The following SLC24A3 variants were observed in gnomAD, a reference collection of about 807,000 sequenced individuals.
The protein encoded by SLC24A3 is solute carrier family 24 member 3.
A neutral mutation model predicts 75.8 loss-of-function variants in SLC24A3; 28 were observed. That is an observed-to-expected ratio of 0.37 (90% CI 0.27 to 0.51). The LOEUF (loss-of-function observed/expected upper bound fraction) is 0.51. Ranked by LOEUF, SLC24A3 falls within the 20% of genes least tolerant of loss-of-function variation. The pLI is 0.94. For synonymous variants in SLC24A3, 372 were observed against 334.1 expected (o/e 1.11, Z -1.24); for missense variants, 663 against 847.8 (o/e 0.78, Z 2.71).
chr20:19,513,341 A>G lies in SLC24A3; in HGVS notation c.272-2147A>G, dbSNP rs527933710. Among the ~76,000 whole-genome samples, 7 of 152,306 alleles carry G rather than the reference A, an allele frequency of 4.6e-5. No homozygotes were observed. The South Asian group carries it at 6.2e-4, about 14-fold the overall frequency. ...CCATGGAGCCCAAGCATGTTGCCCCATCTGTCTTCCCCTTGGGTTCCTCAT... is the reference window on the plus strand; with the variant it reads ...CCATGGAGCCCAAGCATGTTGCCCCGTCTGTCTTCCCCTTGGGTTCCTCAT... On this transcript the variant is annotated intron_variant, in intron 2 of 16. Transcript: ENST00000328041.
intron 3 of SLC24A3, among the ~76,000 whole-genome samples, chr20:19,555,130 T>G (rs910095217): frequency 5.9e-5 from 9 of 152,182 alleles, no homozygotes; most frequent in African/African-American, 1.9e-4. Flanking sequence ...AATCTTCAAA[T>G]AGAATTTAGC....
At chr20:19,354,766 A>G (rs923392299) in intron 2 of SLC24A3, among the ~76,000 whole-genome samples, 8 of 152,114 alleles carry the variant, frequency 5.3e-5, no homozygotes, top group African/African-American at 1.9e-4. Flanking sequence ...AGTTGACAAT[A>G]CCAAGTCTTC....
intron 1 of SLC24A3, among the ~76,000 whole-genome samples, chr20:19,279,090 C>T (rs904603999): frequency 5.9e-5 from 9 of 152,188 alleles, no homozygotes; most frequent in African/African-American, 9.6e-5. Context: ...CTTTCTTGAG[C>T]GGTGTTGTGA....
intron 2 of SLC24A3, among the ~76,000 whole-genome samples, chr20:19,449,660 G>T (rs1407980534): frequency 6.6e-6 from 1 of 152,190 alleles, no homozygotes; most frequent in Non-Finnish European, 1.5e-5. Context: ...TGAGATGAAT[G>T]AGAACTTCTT....
intron 2 of SLC24A3, among the ~76,000 whole-genome samples, chr20:19,286,982 C>T (rs1044691966): frequency 6.6e-6 from 1 of 152,174 alleles, no homozygotes; most frequent in Admixed American, 6.5e-5. Context: ...ATTCAAATCA[C>T]AGCTGTTGAG....
intron 1 of SLC24A3, among the ~76,000 whole-genome samples, chr20:19,234,095 G>A (rs1044268931): frequency 6.6e-6 from 1 of 152,072 alleles, no homozygotes; most frequent in Admixed American, 6.5e-5. Context: ...TTTTCTTTTG[G>A]TTTCACAGAG....
intron 8 of SLC24A3, among the ~76,000 whole-genome samples, chr20:19,667,082 A>G (rs2032407549): frequency 6.6e-6 from 1 of 152,178 alleles, no homozygotes; most frequent in South Asian, 2.1e-4. Flanking sequence ...CAGCAAAATG[A>G]CTGCTAACTC....
chr20:19,406,395 A>C (rs1308267003), intron 2 of SLC24A3, among the ~76,000 whole-genome samples: 1 of 152,196 alleles, frequency 6.6e-6, no homozygotes, highest in Non-Finnish European at 1.5e-5. Flanking sequence ...TTTGGAGTGC[A>C]GTTTTACAGA....
At chr20:19,647,140 C>T (rs1427342249) in intron 6 of SLC24A3, among the ~76,000 whole-genome samples, 1 of 152,058 alleles carries the variant, frequency 6.6e-6, no homozygotes, top group Admixed American at 6.6e-5. Flanking sequence ...ATTAATACCC[C>T]AGCTCCCTCT....
intron 2 of SLC24A3, among the ~76,000 whole-genome samples, chr20:19,390,865 G>T (rs1389470052): frequency 6.6e-6 from 1 of 152,182 alleles, no homozygotes; most frequent in Non-Finnish European, 1.5e-5. Context: ...TGTAGCTCGG[G>T]GCTGCAGAGG....
intron 1 of SLC24A3, among the ~76,000 whole-genome samples, chr20:19,227,565 T>G (rs927955107): frequency 6.6e-6 from 1 of 152,204 alleles, no homozygotes; most frequent in Non-Finnish European, 1.5e-5. Flanking sequence ...CATTTGGAAT[T>G]TATTTTAGCA....
At chr20:19,222,610 A>G (rs753310440) in intron 1 of SLC24A3, among the ~76,000 whole-genome samples, 32 of 152,210 alleles carry the variant, frequency 2.1e-4, no homozygotes, top group Non-Finnish European at 2.4e-4. Flanking sequence ...TTTTTTCAAC[A>G]GAAACACTCC....
At chr20:19,264,960 G>A (rs1450246842) in intron 1 of SLC24A3, among the ~76,000 whole-genome samples, 1 of 152,124 alleles carries the variant, frequency 6.6e-6, no homozygotes, top group Non-Finnish European at 1.5e-5. Flanking sequence ...CCCTTTATCT[G>A]TCTTGCTTTC....
At chr20:19,495,704 A>C (rs1988274596) in intron 2 of SLC24A3, among the ~76,000 whole-genome samples, 1 of 152,164 alleles carries the variant, frequency 6.6e-6, no homozygotes, top group Non-Finnish European at 1.5e-5. Context: ...CATTCACTTC[A>C]CTTCTTGCCT....
At chr20:19,369,617 GTGATTATGAAATAGAA>G (rs1415791700) in intron 2 of SLC24A3, among the ~76,000 whole-genome samples, 2 of 152,054 alleles carry the variant, frequency 1.3e-5, no homozygotes, top group African/African-American at 2.4e-5. Context: ...TAATTTCACA[GTGATTATGAAATAGAA>G]TGTCCTGTTC....
intron 6 of SLC24A3, among the ~76,000 whole-genome samples, chr20:19,596,828 C>T (rs1292182468): frequency 3.9e-5 from 6 of 152,284 alleles, no homozygotes; most frequent in East Asian, 1.9e-4. Flanking sequence ...TGGAGCAGGA[C>T]GTGAACAGGT....
intron 9 of SLC24A3, among the ~76,000 whole-genome samples, chr20:19,677,551 A>G (rs927349273): frequency 6.6e-6 from 1 of 151,776 alleles, no homozygotes; most frequent in African/African-American, 2.4e-5. Context: ...TGCCCCATCC[A>G]CACCCTATTC....
At chr20:19,594,054 G>A (rs2031418198) in intron 6 of SLC24A3, among the ~76,000 whole-genome samples, 1 of 152,198 alleles carries the variant, frequency 6.6e-6, no homozygotes, top group Non-Finnish European at 1.5e-5. Context: ...CACACCAAGT[G>A]AGGGGAGGCG....
intron 1 of SLC24A3, among the ~76,000 whole-genome samples, chr20:19,216,841 G>A (rs942973581): frequency 2.0e-5 from 3 of 152,156 alleles, no homozygotes; most frequent in Admixed American, 1.3e-4. Flanking sequence ...TCAGGAATTT[G>A]GATGGGGGTA....
Sources: allele counts gnomAD v4.1 joint callset (sites outside exome capture counted in the v4.1 genomes callset), GRCh38; gene constraint gnomAD v4.1.1; transcripts MANE v1.5; gene names NCBI Gene and HGNC (gene_info 2026-07-23, HGNC 2026-07-21).